The following SUGP2 variants were observed in gnomAD, a reference collection of about 807,000 sequenced individuals.
The protein encoded by SUGP2 is SURP and G-patch domain containing 2, also known as SURP and G-patch domain-containing protein 2.
Under a neutral mutation model 90.5 loss-of-function variants are expected in SUGP2, and 24 were observed. The ratio of observed to expected loss-of-function variants is 0.27; its 90% CI spans 0.19 to 0.37. The LOEUF (loss-of-function observed/expected upper bound fraction) is 0.37. SUGP2 is among the 10% of genes least tolerant of loss of function. The pLI, the probability that SUGP2 is intolerant of heterozygous loss-of-function variation, is 1.00. For missense variants in SUGP2, 1,233 were observed against 1,363.3 expected (o/e 0.90, Z 1.51); for synonymous variants, 473 against 513.4 (o/e 0.92, Z 1.06).
At chr19:18,997,437 A>G (rs1428998107) in intron 8 of SUGP2, among the ~76,000 whole-genome samples, 1 of 152,096 alleles carries the variant, frequency 6.6e-6, no homozygotes, top group East Asian at 1.9e-4. Flanking sequence ...GGGACAAAAC[A>G]ACCTGGAGAG....
In SUGP2 at chr19:19,025,465, T is replaced by C. The variant is rs758860147; in HGVS notation, c.883A>G (p.Ile295Val). 11 of 1,614,060 alleles carry C rather than the reference T, an allele frequency of 6.8e-6. No homozygotes were observed. Among genetic ancestry groups the C allele is most frequent in the Non-Finnish European group, 9.3e-6 (11 of 1,180,034 alleles). Residue 295 changes from isoleucine to valine, a missense_variant, in exon 3 of 11, where the codon ATT becomes GTT. By Grantham distance (29) the Ile-to-Val change is conservative (BLOSUM62 3). This residue lies in a region of SUGP2 where 418 missense variants were observed against 399.9 expected (regional missense o/e 1.05). Coordinates refer to ENST00000452918, the MANE Select transcript of SUGP2 (RefSeq NM_001017392.5). ...NPGTEDIQFP[I>V]QKIPLGLDLK... Reference sequence around the variant, plus strand: ...TCCAGCCCCAGAGGGATCTTCTGAATGGGGAACTGGATATCTTCTGTCCCT... The same window carrying C: ...TCCAGCCCCAGAGGGATCTTCTGAACGGGGAACTGGATATCTTCTGTCCCT...
chr19:19,029,277 G>T (rs928117599), intron 2 of SUGP2, among the ~76,000 whole-genome samples: 2 of 151,896 alleles, frequency 1.3e-5, no homozygotes, highest in South Asian at 4.2e-4. Context: ...GAGTAGCTGG[G>T]ACTACAGGCG....
At chr19:18,994,528 G>A (rs201880547) in intron 9 of SUGP2, 42 bp from the exon 10 acceptor site, 7 of 1,607,078 alleles carry the variant, frequency 4.4e-6, no homozygotes, top group Non-Finnish European at 4.3e-6. Context: ...CCTGAGCCCA[G>A]GGCCTGGCAT....
At chr19:18,996,939 C>T (rs1009345127) in intron 8 of SUGP2, among the ~76,000 whole-genome samples, 1 of 151,570 alleles carries the variant, frequency 6.6e-6, no homozygotes. Context: ...GAGGAAGGTG[C>T]TGAGGAGGAT....
intron 8 of SUGP2, among the ~76,000 whole-genome samples, chr19:18,996,872 G>A (rs1386436770): frequency 1.3e-5 from 2 of 152,098 alleles, no homozygotes; most frequent in African/African-American, 4.8e-5. Flanking sequence ...TTTATTTAAG[G>A]CATTTACTGA....
rs376121808 is a variant in SUGP2, at chr19:19,010,143, G to A, written c.2050C>T (p.Arg684Cys). 37 of 1,612,508 alleles carry A rather than the reference G, an allele frequency of 2.3e-5. No homozygotes were observed. In the African/African-American group the frequency reaches 3.9e-4, roughly 17 times the overall value. Residue 684 changes from arginine to cysteine, a missense_variant, in exon 5 of 11, where the codon CGT becomes TGT. Coordinates refer to ENST00000452918, the MANE Select transcript of SUGP2 (RefSeq NM_001017392.5). ...LLPWQRRGLL[R>C]AQGLRGWKAR... ...TTCCAGCCCCGGAGCCCTTGAGCAC[G>A]GAGGAGCCCCCGCCGCTGCCACGGA...
chr19:18,991,587 A>G lies in SUGP2; in HGVS notation c.*2154T>C, dbSNP rs930192492. 2.0e-5 allele frequency: 3 copies of G among 152,250 alleles called. No individual in the cohort carries two copies. Among genetic ancestry groups the G allele is most frequent in the Non-Finnish European group, 2.9e-5 (2 of 68,054 alleles). The allele number at this position is 152,250 out of a possible 1,614,324, so 9.4% of individuals were successfully genotyped here. On this transcript the variant is annotated 3_prime_UTR_variant, in exon 11 of 11. Coordinates refer to ENST00000452918, the MANE Select transcript of SUGP2 (RefSeq NM_001017392.5). ...TAAAATGAAGTGGAGAAAGTCAAGA[A>G]TGAACATGCTAGGACAAAGCACATG...
chr19:19,015,589 T>C (rs2058470557), intron 4 of SUGP2, among the ~76,000 whole-genome samples: 1 of 152,150 alleles, frequency 6.6e-6, no homozygotes, highest in Non-Finnish European at 1.5e-5. Flanking sequence ...CTGCAACCTC[T>C]GCCTCCCGGG....
At chr19:19,033,386 G>T in intron 1 of SUGP2, 51 bp downstream of exon 1, 7 of 1,235,330 alleles carry the variant, frequency 5.7e-6, no homozygotes, top group Non-Finnish European at 7.1e-6. Flanking sequence ...CCGAGCCCGA[G>T]CTTCCCACCC....
intron 2 of SUGP2, among the ~76,000 whole-genome samples, chr19:19,027,062 T>G (rs970173422): frequency 2.0e-5 from 3 of 152,124 alleles, no homozygotes; most frequent in Non-Finnish European, 4.4e-5. Flanking sequence ...GGAGGATCAC[T>G]TGAGCCCAGG....
rs370762722 is a variant in SUGP2, at chr19:19,009,990, T to C, written c.2203A>G (p.Lys735Glu). ...PSLPDRNDAAKDCPPDPVGPS... is the reference protein window; with the variant it reads ...PSLPDRNDAAEDCPPDPVGPS... Reference sequence around the variant, plus strand: ...CCAACTGGGTCTGGCGGGCAGTCCTTGGCAGCATCATTTCTGTCTGGCAGG... The same window carrying C: ...CCAACTGGGTCTGGCGGGCAGTCCTCGGCAGCATCATTTCTGTCTGGCAGG... Residue 735 changes from lysine to glutamate, a missense_variant, in exon 5 of 11, where the codon AAG becomes GAG. Lys to Glu is a moderately conservative substitution (Grantham distance 56). Around this residue, in one of 8 missense-constraint regions of SUGP2, gnomAD observed 540 missense variants for 542.6 expected, o/e 1.00. Coordinates refer to ENST00000452918, the MANE Select transcript of SUGP2 (RefSeq NM_001017392.5). The C allele has an allele frequency of 1.9e-6, 3 of 1,614,032 alleles. No homozygotes were observed. Among genetic ancestry groups the C allele is most frequent in the African/African-American group, 1.3e-5 (1 of 74,994 alleles).
At chr19:19,005,876 CA>C (rs774436045) in intron 6 of SUGP2, among the ~76,000 whole-genome samples, 10,972 of 45,936 alleles carry the variant, frequency 0.24, 617 homozygotes, top group Middle Eastern at 0.37. Flanking sequence ...CACACACACA[CA>C]CACACACACA....
At chr19:19,001,017 CTT>C (rs1163536301) in intron 8 of SUGP2, among the ~76,000 whole-genome samples, 17 of 138,452 alleles carry the variant, frequency 1.2e-4, no homozygotes, top group African/African-American at 8.0e-5. Context: ...GCTTGAACTT[CTT>C]TTTTTTTTTT....
intron 8 of SUGP2, among the ~76,000 whole-genome samples, chr19:18,997,779 T>G (rs2057664836): frequency 1.2e-5 from 1 of 85,434 alleles, no homozygotes; most frequent in Non-Finnish European, 2.3e-5. Context: ...GGAGACTCCG[T>G]CTCAAAAAAA....
chr19:18,999,890 C>CT (rs984831659), intron 8 of SUGP2, among the ~76,000 whole-genome samples: 1 of 152,200 alleles, frequency 6.6e-6, no homozygotes, highest in Non-Finnish European at 1.5e-5. Flanking sequence ...TGTCCCTCTT[C>CT]TGCCCAAGCT....
intron 4 of SUGP2, among the ~76,000 whole-genome samples, chr19:19,018,425 C>T (rs1247729910): frequency 2.0e-5 from 3 of 151,926 alleles, no homozygotes; most frequent in East Asian, 3.9e-4. Flanking sequence ...CGGTGGCTCA[C>T]GCCTGTAATC....
At position 19,014,622 on chromosome 19, in the gene SUGP2, T is replaced by C. The variant is rs916321716; in HGVS notation, c.1851-4280A>G. 4.9e-4 allele frequency among the ~76,000 whole-genome samples: 74 copies of C among 151,258 alleles called. 1 individual carries two copies. The highest frequency in any genetic ancestry group is 1.8e-3 in the African/African-American group (74 of 41,204). On this transcript the variant is annotated intron_variant, in intron 4 of 10. Coordinates refer to ENST00000452918, the MANE Select transcript of SUGP2 (RefSeq NM_001017392.5). The stretch of plus-strand genomic sequence containing the variant: ...CTGGGCAACAGAGCAAAAACCCATT[T>C]CTTAAAAAAAGAAAAAAAAAAAAAA...
intron 1 of SUGP2, among the ~76,000 whole-genome samples, chr19:19,031,758 T>A (rs2059161107): frequency 6.6e-6 from 1 of 151,304 alleles, no homozygotes; most frequent in African/African-American, 2.4e-5. Flanking sequence ...ATCCTCGAAG[T>A]AAGGAGGCAG....
chr19:19,023,472 C>A (rs1458862497), intron 3 of SUGP2, among the ~76,000 whole-genome samples: 2 of 152,114 alleles, frequency 1.3e-5, no homozygotes, highest in African/African-American at 4.8e-5. Context: ...GGATTTCAGA[C>A]ATATGCTACC....
Sources: allele counts gnomAD v4.1 joint callset (sites outside exome capture counted in the v4.1 genomes callset), GRCh38; gene constraint gnomAD v4.1.1; regional missense constraint gnomAD v4.1.1; transcripts MANE v1.5; gene names NCBI Gene and HGNC (gene_info 2026-07-23, HGNC 2026-07-21).